BCAS3: variants seen among roughly 807,000 people sequenced by gnomAD.
BCAS3 encodes the protein BCAS3 microtubule associated cell migration factor.
In BCAS3, 53 loss-of-function variants were observed where a neutral mutation model predicts 116.1. The observed-to-expected ratio is 0.46, with a 90% CI of 0.37 to 0.57. BCAS3 has a LOEUF of 0.57. BCAS3 is among the 20% of genes least tolerant of loss of function. BCAS3 has a pLI of 0.00. For missense variants in BCAS3, 917 were observed against 1,165.4 expected (o/e 0.79, Z 3.10); for synonymous variants, 391 against 408.2 (o/e 0.96, Z 0.51).
intron 22 of BCAS3, among the ~76,000 whole-genome samples, chr17:61,164,583 G>C (rs568489006): frequency 6.6e-6 from 1 of 152,250 alleles, no homozygotes; most frequent in African/African-American, 2.4e-5. Context: ...GCAGGAGTGG[G>C]CTGGTTATCG....
At chr17:60,727,141 A>G in intron 5 of BCAS3, 1 of 564,730 alleles carries the variant, frequency 1.8e-6, no homozygotes, top group Non-Finnish European at 3.0e-6. Flanking sequence ...TCTCTTCAAA[A>G]TTAAAAGAAA....
chr17:61,092,812 A>G (rs931259694), intron 22 of BCAS3, among the ~76,000 whole-genome samples: 8 of 151,212 alleles, frequency 5.3e-5, no homozygotes, highest in Non-Finnish European at 8.8e-5. Flanking sequence ...CACTTTCTTA[A>G]TGGTATCTTT....
chr17:61,179,121 T>C (rs1368632799), intron 22 of BCAS3, among the ~76,000 whole-genome samples: 1 of 152,132 alleles, frequency 6.6e-6, no homozygotes, highest in Non-Finnish European at 1.5e-5. Context: ...TTAGAAAACT[T>C]ACACCCAGGT....
intron 6 of BCAS3, among the ~76,000 whole-genome samples, chr17:60,784,647 C>T (rs991323754): frequency 2.0e-5 from 3 of 150,910 alleles, no homozygotes; most frequent in Admixed American, 1.3e-4. Context: ...CTGTGTTGCT[C>T]AGGCTGGTCT....
chr17:60,937,444 A>G (rs1191929617), intron 13 of BCAS3, among the ~76,000 whole-genome samples: 1 of 151,988 alleles, frequency 6.6e-6, no homozygotes, highest in Non-Finnish European at 1.5e-5. Flanking sequence ...GTCTGTCTTC[A>G]TTTTTATTGA....
intron 12 of BCAS3, 52 bp from the exon 13 acceptor site, chr17:60,924,355 G>C: frequency 6.6e-7 from 1 of 1,510,288 alleles, no homozygotes; most frequent in African/African-American, 1.4e-5. Flanking sequence ...CTTCAAGCTC[G>C]GTTATCAGTG....
At position 61,379,016 on chromosome 17, in the gene BCAS3, T is replaced by G. The variant is rs1340381593; in HGVS notation, c.2593+10522T>G. 6.6e-6 allele frequency: 1 copy of G among 152,190 alleles called. No homozygotes were observed. Among genetic ancestry groups the G allele is most frequent in the Non-Finnish European group, 1.5e-5 (1 of 68,086 alleles). The allele number at this position is 152,190 out of a possible 1,614,324, so 9.4% of individuals were successfully genotyped here. A position where few individuals can be genotyped will look rare whatever the true frequency, so the allele number is the denominator to read the frequency against. The stretch of plus-strand genomic sequence containing the variant: ...ACCTCTGTGACCCTTCAGAGTCCCC[T>G]CTCCAGGTGCTGCCCCAACATGAAA... On this transcript the variant is annotated intron_variant, in intron 23 of 23. Coordinates refer to ENST00000407086, the MANE Select transcript of BCAS3 (RefSeq NM_017679.5). The surrounding 1 kb of genome is among the most constrained non-coding windows in gnomAD (Gnocchi z 5.5).
intron 6 of BCAS3, among the ~76,000 whole-genome samples, chr17:60,791,526 T>C (rs1161132410): frequency 3.3e-5 from 5 of 151,764 alleles, no homozygotes; most frequent in African/African-American, 9.7e-5. Flanking sequence ...TGGCGGCGCA[T>C]GTCTGTAGTA....
intron 22 of BCAS3, among the ~76,000 whole-genome samples, chr17:61,303,682 T>C (rs543223309): frequency 5.3e-5 from 8 of 152,346 alleles, no homozygotes; most frequent in African/African-American, 1.9e-4. Flanking sequence ...TGCCTATTTC[T>C]GGCTCTGCAT....
chr17:61,090,652 T>C (rs1379994732), intron 22 of BCAS3, among the ~76,000 whole-genome samples: 1 of 152,058 alleles, frequency 6.6e-6, no homozygotes. Flanking sequence ...CTTATTCTTC[T>C]TTCTTTCTTT....
rs373269649 is a variant in BCAS3, at chr17:60,816,335, C to T, written c.476+8259C>T. ...CTGTCGCCAGACTGGAGTGCAGTGG[C>T]GTGATCTCAGCTCACGGCAACCTCC... On this transcript the variant is annotated intron_variant, in intron 7 of 23. Transcript: ENST00000407086. 1.3e-4 allele frequency among the ~76,000 whole-genome samples: 19 copies of T among 143,220 alleles called. No homozygotes were observed. In the South Asian group the frequency reaches 3.2e-3, roughly 24 times the overall value. 94.0% of individuals were successfully genotyped at this position (143,220 alleles called of 152,430 possible).
rs1035061254 is a variant in BCAS3, at chr17:61,104,712, G to A, written c.2425+20148G>A. Among the ~76,000 whole-genome samples, 1 of 152,106 alleles carries A rather than the reference G, an allele frequency of 6.6e-6. No individual in the cohort carries two copies. The highest frequency in any genetic ancestry group is 2.4e-5 in the African/African-American group (1 of 41,418). ...AAGGACTTTAGATGATCATCTTAAA[G>A]CTTTAAAGAAATGAAAAATATTTGC... is the stretch of plus-strand genomic sequence containing the variant. On this transcript the variant is annotated intron_variant, in intron 22 of 23. Coordinates refer to ENST00000407086, the MANE Select transcript of BCAS3 (RefSeq NM_017679.5). This position sits in a 1 kb window ranked among gnomAD's most constrained non-coding sequence, Gnocchi z 4.1.
At chr17:60,742,688 C>T (rs1012146334) in intron 5 of BCAS3, among the ~76,000 whole-genome samples, 1 of 151,884 alleles carries the variant, frequency 6.6e-6, no homozygotes, top group Non-Finnish European at 1.5e-5. Context: ...CCACCTTGGC[C>T]TCCCAAAGTG....
intron 16 of BCAS3, among the ~76,000 whole-genome samples, chr17:61,018,503 T>G (rs1356026091): frequency 6.6e-6 from 1 of 152,102 alleles, no homozygotes; most frequent in Non-Finnish European, 1.5e-5. Flanking sequence ...GGTTTCGCCA[T>G]GTTGGCTAGG....
chr17:60,931,339 A>C (rs948751600), intron 13 of BCAS3, among the ~76,000 whole-genome samples: 1 of 152,078 alleles, frequency 6.6e-6, no homozygotes, highest in Non-Finnish European at 1.5e-5. Context: ...GCAGTGGCAC[A>C]ATTTCAGCTC....
intron 7 of BCAS3, among the ~76,000 whole-genome samples, chr17:60,850,638 C>G (rs184257683): frequency 6.6e-6 from 1 of 152,046 alleles, no homozygotes; most frequent in Non-Finnish European, 1.5e-5. Context: ...GGATTAGAGG[C>G]GTGAGCCACT....
chr17:60,963,815 A>G (rs2061530514), intron 14 of BCAS3, among the ~76,000 whole-genome samples: 1 of 152,166 alleles, frequency 6.6e-6, no homozygotes, highest in African/African-American at 2.4e-5. Context: ...TCGGCCTCCC[A>G]AAGTGCTGGG....
intron 5 of BCAS3, among the ~76,000 whole-genome samples, chr17:60,741,245 C>A (rs1043601850): frequency 6.6e-6 from 1 of 152,078 alleles, no homozygotes; most frequent in Non-Finnish European, 1.5e-5. Flanking sequence ...CAGCTTTTTA[C>A]CTGTGGTCAG....
intron 5 of BCAS3, among the ~76,000 whole-genome samples, chr17:60,721,916 T>C (rs1250546082): frequency 1.3e-5 from 2 of 152,178 alleles, no homozygotes; most frequent in Non-Finnish European, 2.9e-5. Flanking sequence ...CACCATAGAT[T>C]CTTTTTTTCT....
Sources: allele counts gnomAD v4.1 joint callset (sites outside exome capture counted in the v4.1 genomes callset), GRCh38; gene constraint gnomAD v4.1.1; non-coding constraint Gnocchi (gnomAD v3.1); transcripts MANE v1.5; gene names NCBI Gene and HGNC (gene_info 2026-07-23, HGNC 2026-07-21).